Variants in SLC9C1 observed in about 807,000 individuals in gnomAD.
The protein encoded by SLC9C1 is sodium/hydrogen exchanger 10.
In SLC9C1, 97 loss-of-function variants were observed where a neutral mutation model predicts 140.9. That is an observed-to-expected ratio of 0.69 (90% CI 0.58 to 0.82). The LOEUF is 0.82. Among genes scored for constraint, SLC9C1 ranks in the 40% least tolerant of loss-of-function variants. The pLI is 0.00. For missense variants in SLC9C1, 1,340 were observed against 1,389.3 expected, an observed-to-expected ratio of 0.96 and a Z score of 0.56; for synonymous variants, 440 against 442.6, an observed-to-expected ratio of 0.99 and a Z score of 0.07.
At chr3:112,218,990 T>G (rs1035615041) in intron 14 of SLC9C1, among the ~76,000 whole-genome samples, 1 of 152,236 alleles carries the variant, frequency 6.6e-6, no homozygotes, top group African/African-American at 2.4e-5. Flanking sequence ...AATTATTTAA[T>G]TTCTCTTTGT....
At chr3:112,184,552 C>T (rs2077497155) in intron 20 of SLC9C1, among the ~76,000 whole-genome samples, 1 of 151,956 alleles carries the variant, frequency 6.6e-6, no homozygotes, top group Non-Finnish European at 1.5e-5. Flanking sequence ...AGGAGATTCG[C>T]TTGAACCCGG....
rs765427450 is a variant in SLC9C1 at position 112,221,244 on chromosome 3, A to G, written c.1573-19T>C. On this transcript the variant is annotated intron_variant, in intron 13 of 28. Coordinates refer to ENST00000305815, the MANE Select transcript of SLC9C1 (RefSeq NM_183061.3). The stretch of plus-strand genomic sequence containing the variant: ...AGCTTGCCTAAAAAAATATTAATTC[A>G]AGTCATTATATAGCATGAATAACGA... The G allele has an allele frequency of 6.3e-6, 10 of 1,594,364 alleles. No homozygotes were observed. In the African/African-American group the frequency reaches 1.3e-4, roughly 21 times the overall value.
chr3:112,250,020 G>A (rs887743250), intron 10 of SLC9C1, among the ~76,000 whole-genome samples: 57 of 151,498 alleles, frequency 3.8e-4, no homozygotes, highest in African/African-American at 1.3e-3. Flanking sequence ...CCATTAACTC[G>A]TCATTTAGCA....
In SLC9C1 at chr3:112,202,390, G is replaced by T. The variant is rs1439831700; in HGVS notation, c.2182C>A (p.Pro728Thr). Residue 728 changes from proline to threonine, a missense_variant, in exon 18 of 29, where the codon CCA (proline) becomes ACA (threonine). Transcript: ENST00000305815. ...RILRIFKLIAPKLLQIIDKRM... is the reference protein window; with the variant it reads ...RILRIFKLIATKLLQIIDKRM... ...TTATCTATTATTTGCAGCAACTTTG[G>T]TGCTATGAGCTGAATTAAACAGGAC... 2 of 1,597,428 alleles carry T rather than the reference G, an allele frequency of 1.3e-6. No homozygotes were observed. Among genetic ancestry groups the T allele is most frequent in the African/African-American group, 2.7e-5 (2 of 74,456 alleles).
intron 26 of SLC9C1, 147 bp from the exon 27 acceptor site, chr3:112,155,196 A>G (rs2075095727): frequency 1.6e-6 from 1 of 606,388 alleles, no homozygotes; most frequent in African/African-American, 1.9e-5. Context: ...GGTTAAAAAA[A>G]AGGGTCACAT....
chr3:112,148,513 C>A (rs2074868583), intron 28 of SLC9C1, among the ~76,000 whole-genome samples: 1 of 151,802 alleles, frequency 6.6e-6, no homozygotes, highest in Admixed American at 6.6e-5. Context: ...GGGGTATGAC[C>A]ATAGAGAATG....
At chr3:112,282,420 T>C (rs73853390) in intron 2 of SLC9C1, among the ~76,000 whole-genome samples, 2,451 of 152,328 alleles carry the variant, frequency 0.016, 62 homozygotes, top group African/African-American at 0.056. Context: ...CTGCTTATTA[T>C]GAGAGTGTTT....
chr3:112,155,919 A>T (rs1473148016), intron 26 of SLC9C1, among the ~76,000 whole-genome samples: 1 of 152,146 alleles, frequency 6.6e-6, no homozygotes, highest in African/African-American at 2.4e-5. Flanking sequence ...GGTACATATA[A>T]TATTTTGATG....
chr3:112,153,641 C>T (rs537427879), intron 27 of SLC9C1, among the ~76,000 whole-genome samples: 18 of 152,244 alleles, frequency 1.2e-4, no homozygotes, highest in African/African-American at 4.1e-4. Context: ...GTGCCAAGGA[C>T]TGTGCAGTGT....
Position 112,197,522 on chromosome 3 carries a change from G to A in SLC9C1, c.2523+1799C>T, listed in dbSNP as rs544606509. ...TAGCTGCCTGCCATGGTGCTGAGGG[G>A]TGAGGAGTAGCTATTACTGTGCTAA... On this transcript the variant is annotated intron_variant, in intron 20 of 28. Transcript: ENST00000305815. Among the ~76,000 whole-genome samples the A allele has an allele frequency of 4.6e-5, 7 of 152,234 alleles. No homozygotes were observed. In the East Asian group the frequency reaches 1.2e-3, roughly 25 times the overall value.
chr3:112,163,543 C>G (rs1447246124), intron 26 of SLC9C1, among the ~76,000 whole-genome samples: 1 of 152,030 alleles, frequency 6.6e-6, no homozygotes, highest in Non-Finnish European at 1.5e-5. Context: ...AGTAGTCATT[C>G]AGGAGCAGGT....
chr3:112,237,564 C>T (rs909574256), intron 12 of SLC9C1, among the ~76,000 whole-genome samples: 8 of 152,202 alleles, frequency 5.3e-5, no homozygotes, highest in Non-Finnish European at 8.8e-5. Context: ...ATGGTCTTTA[C>T]AATTTGGCAT....
chr3:112,185,641 C>T, intron 20 of SLC9C1: 1 of 1,568,262 alleles, frequency 6.4e-7, no homozygotes, highest in Non-Finnish European at 8.7e-7. Flanking sequence ...ACCCGGAAAG[C>T]TCCTTGGCGG....
chr3:112,270,787 G>T (rs1473427255), intron 6 of SLC9C1, among the ~76,000 whole-genome samples: 1 of 152,216 alleles, frequency 6.6e-6, no homozygotes, highest in African/African-American at 2.4e-5. Context: ...CTGCACTCCA[G>T]CCTGGGCAAG....
chr3:112,184,657 T>A (rs1560040625), intron 20 of SLC9C1, among the ~76,000 whole-genome samples: 1 of 152,056 alleles, frequency 6.6e-6, no homozygotes, highest in African/African-American at 2.4e-5. Context: ...AACAAAATGT[T>A]AGAAGGAGCA....
chr3:112,208,516 T>G, intron 15 of SLC9C1, 143 bp from the exon 16 acceptor site: 1 of 470,654 alleles, frequency 2.1e-6, no homozygotes, highest in South Asian at 4.5e-5. Flanking sequence ...TAACACGTTC[T>G]GGCATCCCAC....
chr3:112,183,536 C>T (rs889358513), intron 20 of SLC9C1, among the ~76,000 whole-genome samples: 1 of 150,946 alleles, frequency 6.6e-6, no homozygotes, highest in African/African-American at 2.4e-5. Flanking sequence ...AGTGCTCAGC[C>T]GTCTCCTGGC....
chr3:112,225,533 A>G (rs1026159226), intron 13 of SLC9C1, among the ~76,000 whole-genome samples: 2 of 87,330 alleles, frequency 2.3e-5, no homozygotes, highest in African/African-American at 7.7e-5. Context: ...AAGGAAATAC[A>G]CACCAACCAA....
intron 6 of SLC9C1, among the ~76,000 whole-genome samples, chr3:112,272,623 A>C (rs1308244714): frequency 6.6e-6 from 1 of 152,234 alleles, no homozygotes; most frequent in African/African-American, 2.4e-5. Context: ...TAATGTCTAA[A>C]AAAGTAAATT....
Sources: gnomAD v4.1 joint callset for allele counts (sites outside exome capture counted in the v4.1 genomes callset) on GRCh38, gnomAD v4.1.1 for gene constraint, MANE v1.5 for transcripts, NCBI Gene and HGNC (gene_info 2026-07-23, HGNC 2026-07-21) for gene names.